Variants in BAIAP2 observed in about 807,000 individuals in gnomAD.
BAIAP2 encodes the protein BAR/IMD domain-containing adapter protein 2.
Under a neutral mutation model 63.0 loss-of-function variants are expected in BAIAP2, and 18 were observed. The observed-to-expected ratio is 0.29, with a 90% CI of 0.20 to 0.42. BAIAP2 has a LOEUF of 0.42. Ranked by LOEUF, BAIAP2 falls within the 10% of genes least tolerant of loss-of-function variation. The pLI is 1.00. For missense variants in BAIAP2, 610 were observed against 734.3 expected (o/e 0.83, Z 1.96); for synonymous variants, 386 against 307.6 (o/e 1.25, Z -2.67).
chr17:81,036,915 C>A, intron 1 of BAIAP2: 1 of 1,535,924 alleles, frequency 6.5e-7, no homozygotes, highest in Non-Finnish European at 8.7e-7. Flanking sequence ...TCTCCTTCTG[C>A]GCTGAAACCA....
At chr17:81,054,369 A>G (rs1242928204) in intron 2 of BAIAP2, among the ~76,000 whole-genome samples, 1 of 152,198 alleles carries the variant, frequency 6.6e-6, no homozygotes, top group Non-Finnish European at 1.5e-5. Flanking sequence ...GAGCTGGCAG[A>G]TGGACTTGGG....
intron 1 of BAIAP2, among the ~76,000 whole-genome samples, chr17:81,050,626 C>T (rs955755106): frequency 5.3e-5 from 8 of 152,250 alleles, no homozygotes; most frequent in Admixed American, 1.3e-4. Context: ...AGCAAGGGGT[C>T]TGCTCTGGCA....
intron 3 of BAIAP2, among the ~76,000 whole-genome samples, chr17:81,072,494 T>A (rs2052872149): frequency 6.6e-6 from 1 of 152,120 alleles, no homozygotes; most frequent in South Asian, 2.1e-4. Context: ...GACGATCTGC[T>A]CCAGGCCCCA....
At chr17:81,109,932 G>T in intron 13 of BAIAP2, 1 of 985,360 alleles carries the variant, frequency 1.0e-6, no homozygotes, top group Non-Finnish European at 1.2e-6. Flanking sequence ...TGGGCACGCC[G>T]CACCCACGCC....
intron 1 of BAIAP2, among the ~76,000 whole-genome samples, chr17:81,044,429 CTA>C (rs1568063609): frequency 6.6e-6 from 1 of 152,242 alleles, no homozygotes; most frequent in East Asian, 1.9e-4. Flanking sequence ...TGGCTCGTCC[CTA>C]TGTTATCTGT....
chr17:81,061,755 T>C (rs1333030993), intron 3 of BAIAP2, among the ~76,000 whole-genome samples: 1 of 152,172 alleles, frequency 6.6e-6, no homozygotes, highest in Non-Finnish European at 1.5e-5. Context: ...GAGCATCTTT[T>C]TGTGTTTTTG....
At chr17:81,072,661 G>A (rs1203530264) in intron 3 of BAIAP2, among the ~76,000 whole-genome samples, 2 of 152,186 alleles carry the variant, frequency 1.3e-5, no homozygotes, top group African/African-American at 4.8e-5. Context: ...GCAGACACCT[G>A]CGCCCAGAGG....
intron 7 of BAIAP2, among the ~76,000 whole-genome samples, chr17:81,101,980 G>A (rs958687782): frequency 2.0e-5 from 3 of 152,200 alleles, no homozygotes; most frequent in Admixed American, 6.5e-5. Context: ...GAGTGAGAGC[G>A]GGGCTGTCAG....
intron 3 of BAIAP2, among the ~76,000 whole-genome samples, chr17:81,080,568 T>G (rs1598677179): frequency 1.3e-5 from 2 of 150,890 alleles, no homozygotes; most frequent in African/African-American, 5.0e-5. Flanking sequence ...CTCCACATAC[T>G]CTTTTTCTTT....
At chr17:81,100,485 C>T (rs1166631458) in intron 7 of BAIAP2, among the ~76,000 whole-genome samples, 2 of 152,164 alleles carry the variant, frequency 1.3e-5, no homozygotes, top group African/African-American at 2.4e-5. Context: ...TCCTCACTTG[C>T]TCTTCCTGTG....
intron 1 of BAIAP2, 166 bp from the exon 2 acceptor site, chr17:81,053,502 C>A: frequency 1.4e-6 from 1 of 699,766 alleles, no homozygotes; most frequent in South Asian, 1.7e-5. Context: ...GGACATTGAT[C>A]AGGGGCATGG....
At chr17:81,048,548 A>C (rs2048178698) in intron 1 of BAIAP2, among the ~76,000 whole-genome samples, 1 of 152,116 alleles carries the variant, frequency 6.6e-6, no homozygotes, top group Non-Finnish European at 1.5e-5. Flanking sequence ...CCTTGTGCCC[A>C]CACTGGCCAG....
At chr17:81,105,773 G>T (rs1034223751) in intron 10 of BAIAP2, 12 of 315,452 alleles carry the variant, frequency 3.8e-5, no homozygotes, top group Non-Finnish European at 6.0e-5. Context: ...GTGGCTTAGC[G>T]TGACACTGGG....
At chr17:81,044,268 G>T (rs937974211) in intron 1 of BAIAP2, among the ~76,000 whole-genome samples, 3 of 152,280 alleles carry the variant, frequency 2.0e-5, no homozygotes, top group Admixed American at 2.0e-4. Context: ...GGATGGGGCA[G>T]CGGCCTCGGG....
intron 13 of BAIAP2, chr17:81,108,921 G>T: frequency 6.5e-7 from 1 of 1,536,278 alleles, no homozygotes; most frequent in African/African-American, 1.4e-5. Context: ...GCCTGTGGCT[G>T]GGCAGCGTCG....
intron 2 of BAIAP2, among the ~76,000 whole-genome samples, chr17:81,055,574 G>GTTTTTTTTTTTTTTTTTTTTTTTTT (rs1555657874): frequency 8.1e-6 from 1 of 123,406 alleles, no homozygotes; most frequent in Non-Finnish European, 1.7e-5. Flanking sequence ...AGGGTGTTTT[G>GTTTTTTTTTTTTTTTTTTTTTTTTT]TTTTTTTTTG....
chr17:81,114,474 C>T (rs550372023), intron 13 of BAIAP2, among the ~76,000 whole-genome samples: 84 of 152,218 alleles, frequency 5.5e-4, no homozygotes, highest in Non-Finnish European at 8.8e-4. Flanking sequence ...AAAGCTGCAC[C>T]GATCAAAGCT....
intron 1 of BAIAP2, among the ~76,000 whole-genome samples, chr17:81,051,594 A>G (rs1369454266): frequency 6.6e-6 from 1 of 152,126 alleles, no homozygotes; most frequent in Non-Finnish European, 1.5e-5. Flanking sequence ...ATGGGGTTTC[A>G]CCACGTTGGC....
intron 6 of BAIAP2, among the ~76,000 whole-genome samples, chr17:81,088,679 G>C (rs1159108394): frequency 6.6e-6 from 1 of 152,194 alleles, no homozygotes; most frequent in African/African-American, 2.4e-5. Flanking sequence ...GCCTGCGCCA[G>C]CCTCCTCCCC....
Sources: allele counts gnomAD v4.1 joint callset (sites outside exome capture counted in the v4.1 genomes callset), GRCh38; gene constraint gnomAD v4.1.1; transcripts MANE v1.5; gene names NCBI Gene and HGNC (gene_info 2026-07-23, HGNC 2026-07-21).